Variants in LPIN1 observed in about 807,000 individuals in gnomAD.
The protein encoded by LPIN1 is lipin 1.
In LPIN1, 71 loss-of-function variants were observed where a neutral mutation model predicts 107.5. That is an observed-to-expected ratio of 0.66 (90% CI 0.55 to 0.80). The LOEUF (loss-of-function observed/expected upper bound fraction) is 0.80. Among genes scored for constraint, LPIN1 ranks in the 30% least tolerant of loss-of-function variants. LPIN1 has a pLI of 0.00. For missense variants in LPIN1, 1,043 were observed against 1,160.6 expected (o/e 0.90, Z 1.47); for synonymous variants, 445 against 452.6 (o/e 0.98, Z 0.21).
chr2:11,772,558 A>C (rs1424345848), intron 4 of LPIN1, among the ~76,000 whole-genome samples: 1 of 152,214 alleles, frequency 6.6e-6, no homozygotes, highest in Non-Finnish European at 1.5e-5. Context: ...TCAGGCTTAA[A>C]AGTGAATGAA....
At chr2:11,726,718 G>A (rs1007620756) in intron 1 of LPIN1, among the ~76,000 whole-genome samples, 1 of 152,174 alleles carries the variant, frequency 6.6e-6, no homozygotes, top group African/African-American at 2.4e-5. Context: ...TGATTCAAAT[G>A]TTGCCAGTTT....
rs1572695869 is a variant in LPIN1, at chr2:11,767,951, A to ACCGG, written c.288+97_288+100dup. 2.4e-5 allele frequency: 20 copies of ACCGG among 843,850 alleles called. No homozygotes were observed. In the East Asian group the frequency reaches 3.8e-4, roughly 16 times the overall value. The allele number at this position is 843,850 out of a possible 1,614,324, so 52.3% of individuals were successfully genotyped here. On this transcript the variant is annotated intron_variant, in intron 3 of 20. Transcript: ENST00000674199. The stretch of plus-strand genomic sequence containing the variant: ...ACGGCAGAAGTTTGTGCAAAGTAAT[A>ACCGG]CCGGCCGTGGCTGTGTGGACGATGG...
intron 18 of LPIN1, chr2:11,818,416 T>A (rs1258427066): frequency 6.6e-6 from 1 of 152,170 alleles, no homozygotes; most frequent in Non-Finnish European, 1.5e-5. Flanking sequence ...TTTCTAGACA[T>A]TTTATATTTT....
At chr2:11,751,470 C>T (rs542125624) in intron 1 of LPIN1, among the ~76,000 whole-genome samples, 2 of 152,328 alleles carry the variant, frequency 1.3e-5, no homozygotes, top group South Asian at 4.1e-4. Context: ...GGCTGGTCCC[C>T]AGGGGTGAAT....
chr2:11,786,170 C>T lies in LPIN1; in HGVS notation c.1550-904C>T, dbSNP rs1674539644. On this transcript the variant is annotated intron_variant, in intron 10 of 20. Transcript: ENST00000674199. The surrounding 1 kb of genome is among the most constrained non-coding windows in gnomAD (Gnocchi z 4.1). The stretch of plus-strand genomic sequence containing the variant: ...CCTTACAGGTGAGGCCAGATCGTCA[C>T]AGTCAGGAGACCCCAGGAGAGTCCC... Among the ~76,000 whole-genome samples the T allele has an allele frequency of 6.6e-6, 1 of 152,138 alleles. No individual in the cohort carries two copies.
intron 1 of LPIN1, among the ~76,000 whole-genome samples, chr2:11,759,758 T>C (rs555032022): frequency 0.035 from 4,173 of 118,652 alleles, 36 homozygotes; most frequent in African/African-American, 0.084. Flanking sequence ...AAGGGGCGGC[T>C]GGGCAGAGGC....
At chr2:11,696,969 C>T (rs57456819) in intron 1 of LPIN1, among the ~76,000 whole-genome samples, 21,876 of 152,282 alleles carry the variant, frequency 0.14, 4,712 homozygotes, top group African/African-American at 0.47. Context: ...TGGTTCTGCA[C>T]GTCAGCAGCA....
chr2:11,738,977 T>TGA (rs1265334977), intron 1 of LPIN1, among the ~76,000 whole-genome samples: 4 of 152,240 alleles, frequency 2.6e-5, no homozygotes, highest in Non-Finnish European at 5.9e-5. Flanking sequence ...CTAAATTATC[T>TGA]GATAGTCTTC....
intron 2 of LPIN1, chr2:11,767,550 C>T: frequency 1.7e-6 from 1 of 596,942 alleles, no homozygotes; most frequent in South Asian, 2.0e-5. Flanking sequence ...TTCCATCTTT[C>T]CTGGTCAGGG....
At position 11,802,985 on chromosome 2, in the gene LPIN1, G is replaced by T. The variant is rs1192565069; in HGVS notation, c.1965G>T (p.Leu655=). 6 of 1,613,058 alleles carry T rather than the reference G, an allele frequency of 3.7e-6. No homozygotes were observed. The highest frequency in any genetic ancestry group is 5.1e-6 in the Non-Finnish European group (6 of 1,180,030). Reference sequence around the variant, plus strand: ...CAAACGCAGGCCACCTCCCTCTTCTGCCTAATGTCAGCTACAAGAAGACTC... The same window carrying T: ...CAAACGCAGGCCACCTCCCTCTTCTTCCTAATGTCAGCTACAAGAAGACTC... The part of the protein sequence containing the change: ...KPSNAGHLPL[L]PNVSYKKTLR... Residue 655 remains leucine, a synonymous_variant, in exon 15 of 21, where the codon CTG becomes CTT. Transcript: ENST00000674199.
At chr2:11,721,355 T>C (rs1377672248), upstream of LPIN1, among the ~76,000 whole-genome samples, 2 of 149,090 alleles carry the variant, frequency 1.3e-5, no homozygotes, top group Non-Finnish European at 3.0e-5. Flanking sequence ...AGTCACATCA[T>C]AGAGATGTTA....
chr2:11,785,146 C>A, intron 10 of LPIN1, 70 bp downstream of exon 10: 3 of 1,210,370 alleles, frequency 2.5e-6, no homozygotes, highest in Non-Finnish European at 3.4e-6. Context: ...TAGGCTTCTC[C>A]AAGGAGTGCG....
intron 1 of LPIN1, among the ~76,000 whole-genome samples, chr2:11,728,159 A>G (rs1322550888): frequency 6.6e-6 from 1 of 152,162 alleles, no homozygotes; most frequent in African/African-American, 2.4e-5. Context: ...ACATTTATAT[A>G]ACAGTAATAT....
intron 17 of LPIN1, among the ~76,000 whole-genome samples, chr2:11,812,665 G>A (rs747407943): frequency 3.3e-5 from 5 of 152,180 alleles, no homozygotes; most frequent in Non-Finnish European, 7.3e-5. Flanking sequence ...TTGCAGATGG[G>A]GTTGGGGTTG....
chr2:11,807,031 T>G (rs1678822560), intron 17 of LPIN1, among the ~76,000 whole-genome samples: 1 of 152,212 alleles, frequency 6.6e-6, no homozygotes, highest in East Asian at 1.9e-4. Flanking sequence ...GTGTAGGTAG[T>G]TGCCACTTTT....
In LPIN1 at chr2:11,784,984, G is replaced by A. The variant is rs1170613238; in HGVS notation, c.1457G>A (p.Gly486Asp). The A allele has an allele frequency of 6.2e-7, 1 of 1,613,708 alleles. No homozygotes were observed. Among genetic ancestry groups the A allele is most frequent in the Admixed American group, 1.7e-5 (1 of 59,990 alleles). ...QSVGSSGVDS[G>D]VESTSDGLRD... Reference sequence around the variant, plus strand: ...GTGGGCAGCTCGGGCGTGGACAGTGGCGTGGAGAGCACCTCGGACGGGCTG... The same window carrying A: ...GTGGGCAGCTCGGGCGTGGACAGTGACGTGGAGAGCACCTCGGACGGGCTG... Residue 486 changes from glycine to aspartate, a missense_variant, in exon 10 of 21, where the codon GGC (glycine) becomes GAC (aspartate). Physicochemically the swap from Gly to Asp is moderately conservative, Grantham distance 94. Transcript: ENST00000674199.
intron 18 of LPIN1, chr2:11,817,427 C>G (rs1015114127): frequency 9.2e-5 from 14 of 152,198 alleles, no homozygotes; most frequent in African/African-American, 3.4e-4. Flanking sequence ...ATTGTTTCCT[C>G]TGTAGTTGTG....
In LPIN1 at chr2:11,771,496, A is replaced by G. The variant is rs779049696; in HGVS notation, c.413A>G (p.Gln138Arg). 1.9e-6 allele frequency: 3 copies of G among 1,614,216 alleles called. No homozygotes were observed. The highest frequency in any genetic ancestry group is 2.5e-6 in the Non-Finnish European group (3 of 1,180,024). The change falls in exon 4 of 21, where the codon CAA becomes CGA. Residue 138 changes from glutamine (Q) to arginine (R), a missense_variant. By Grantham distance (43) the Gln-to-Arg change is conservative. Coordinates refer to ENST00000674199, the MANE Select transcript of LPIN1 (RefSeq NM_001349206.2). This position sits in a 1 kb window ranked among gnomAD's most constrained non-coding sequence, Gnocchi z 4.8. ...MRGLDPSTPA[Q>R]VIAPSETPSS... ...GGCCTGGACCCCAGCACGCCAGCCC[A>G]AGTGATCGCTCCCAGCGAGACGCCG... is the stretch of plus-strand genomic sequence containing the variant.
In LPIN1 at chr2:11,767,766, G is replaced by C; in HGVS notation, c.196G>C (p.Asp66His). The C allele has an allele frequency of 6.2e-7, 1 of 1,601,794 alleles. No homozygotes were observed. The highest frequency in any genetic ancestry group is 8.6e-7 in the Non-Finnish European group (1 of 1,168,668). The change falls in exon 3 of 21, where the codon GAC becomes CAC. Residue 66 changes from aspartate to histidine, a missense_variant. Asp to His is a moderately conservative substitution (Grantham distance 81). Coordinates refer to ENST00000674199, the MANE Select transcript of LPIN1 (RefSeq NM_001349206.2). ...GVLRSREKVV[D>H]IEINGESVDL... The stretch of plus-strand genomic sequence containing the variant: ...CTTAACCATGTTTTCCCTTCAGGTT[G>C]ACATAGAAATCAATGGGGAATCTGT...
Sources: gnomAD v4.1 joint callset for allele counts (sites outside exome capture counted in the v4.1 genomes callset) on GRCh38, gnomAD v4.1.1 for gene constraint, Gnocchi (gnomAD v3.1) non-coding constraint, MANE v1.5 for transcripts, NCBI Gene and HGNC (gene_info 2026-07-23, HGNC 2026-07-21) for gene names.